The following SLC35F3 variants were observed in gnomAD, a reference collection of about 807,000 sequenced individuals.
SLC35F3 encodes the protein putative thiamine transporter SLC35F3.
A neutral mutation model predicts 49.9 loss-of-function variants in SLC35F3; 25 were observed. That is an observed-to-expected ratio of 0.50 (90% CI 0.37 to 0.70). The LOEUF is 0.70. Ranked by LOEUF, SLC35F3 falls within the 30% of genes least tolerant of loss-of-function variation. The pLI is 0.00. For missense variants in SLC35F3, 525 were observed against 639.8 expected, an observed-to-expected ratio of 0.82 and a Z score of 1.94; for synonymous variants, 275 against 265.4, an observed-to-expected ratio of 1.04 and a Z score of -0.35.
chr1:234,081,386 T>G (rs1455422925), intron 2 of SLC35F3, among the ~76,000 whole-genome samples: 1 of 152,188 alleles, frequency 6.6e-6, no homozygotes, highest in Non-Finnish European at 1.5e-5. Flanking sequence ...TTGCAAACAT[T>G]GTTTTTGTTG....
chr1:234,287,864 A>G (rs1668447011), intron 3 of SLC35F3, among the ~76,000 whole-genome samples: 1 of 152,178 alleles, frequency 6.6e-6, no homozygotes, highest in Non-Finnish European at 1.5e-5. Context: ...TTGAAAGACT[A>G]TTGCCTTGAA....
intron 2 of SLC35F3, among the ~76,000 whole-genome samples, chr1:234,098,155 G>A (rs1665154168): frequency 6.7e-6 from 1 of 150,012 alleles, no homozygotes; most frequent in African/African-American, 2.5e-5. Flanking sequence ...GGTAGTGATG[G>A]TGTTATACGG....
At chr1:234,045,647 A>C (rs540548353) in intron 2 of SLC35F3, among the ~76,000 whole-genome samples, 1 of 152,254 alleles carries the variant, frequency 6.6e-6, no homozygotes, top group Non-Finnish European at 1.5e-5. Flanking sequence ...ATAACGTATT[A>C]TATGCACAAG....
At chr1:234,254,929 T>G (rs1221924430) in intron 3 of SLC35F3, among the ~76,000 whole-genome samples, 5 of 152,224 alleles carry the variant, frequency 3.3e-5, no homozygotes, top group Non-Finnish European at 7.3e-5. Context: ...CCTGACTTAT[T>G]TAGTACTTTT....
intron 2 of SLC35F3, among the ~76,000 whole-genome samples, chr1:234,102,428 A>G (rs1665227484): frequency 6.6e-6 from 1 of 152,188 alleles, no homozygotes; most frequent in African/African-American, 2.4e-5. Flanking sequence ...CTCCTGAACC[A>G]TCTGCTCAAG....
chr1:234,265,328 C>A (rs75052785), intron 3 of SLC35F3, among the ~76,000 whole-genome samples: 1 of 126,176 alleles, frequency 7.9e-6, no homozygotes, highest in Non-Finnish European at 1.7e-5. Flanking sequence ...TTCTTTTTTT[C>A]TTTTTCTTTT....
intron 2 of SLC35F3, among the ~76,000 whole-genome samples, chr1:234,170,040 T>TACAG (rs1435658166): frequency 6.6e-6 from 1 of 152,172 alleles, no homozygotes; most frequent in Non-Finnish European, 1.5e-5. Context: ...ATGCTGGGAT[T>TACAG]ACAGGCGTGA....
intron 2 of SLC35F3, among the ~76,000 whole-genome samples, chr1:234,105,125 T>TAAAAAA (rs4027096): frequency 2.3e-4 from 30 of 130,418 alleles, no homozygotes; most frequent in Non-Finnish European, 2.6e-4. Context: ...GAGACTCCGT[T>TAAAAAA]AAAAAAAAAA....
chr1:234,116,831 T>A (rs1052196071), intron 2 of SLC35F3, among the ~76,000 whole-genome samples: 3 of 152,148 alleles, frequency 2.0e-5, no homozygotes, highest in Non-Finnish European at 4.4e-5. Flanking sequence ...CCTTTTAAGC[T>A]GGGGGTTTTG....
At chr1:234,203,401 A>T (rs576711551) in intron 2 of SLC35F3, among the ~76,000 whole-genome samples, 16 of 152,284 alleles carry the variant, frequency 1.1e-4, no homozygotes, top group African/African-American at 3.8e-4. Flanking sequence ...TAGCCCCTTT[A>T]AACTATTCTT....
intron 3 of SLC35F3, among the ~76,000 whole-genome samples, chr1:234,235,553 C>G (rs1558269005): frequency 6.6e-6 from 1 of 152,232 alleles, no homozygotes; most frequent in Non-Finnish European, 1.5e-5. Context: ...GTCAGCAGAG[C>G]TGGAGCAGAT....
chr1:233,955,864 G>C (rs561215063), intron 2 of SLC35F3, among the ~76,000 whole-genome samples: 1 of 147,234 alleles, frequency 6.8e-6, no homozygotes, highest in Admixed American at 6.8e-5. Flanking sequence ...AGTCAGCAGA[G>C]GAGGTGTGGG....
chr1:234,006,395 G>A (rs890608154), intron 2 of SLC35F3, among the ~76,000 whole-genome samples: 10 of 152,086 alleles, frequency 6.6e-5, no homozygotes, highest in African/African-American at 2.2e-4. Flanking sequence ...GCCACCAAGA[G>A]CAATCTTTGG....
chr1:234,265,082 C>A (rs1186832510), intron 3 of SLC35F3, among the ~76,000 whole-genome samples: 1 of 152,152 alleles, frequency 6.6e-6, no homozygotes, highest in East Asian at 1.9e-4. Flanking sequence ...TGTCTCATGT[C>A]TCCCTGATGA....
At chr1:234,072,619 CAG>C (rs1664733932) in intron 2 of SLC35F3, among the ~76,000 whole-genome samples, 1 of 151,978 alleles carries the variant, frequency 6.6e-6, no homozygotes, top group Non-Finnish European at 1.5e-5. Context: ...GATAATTGAA[CAG>C]AGAAAGGGGT....
rs141889471 is a variant in SLC35F3 at position 234,251,160 on chromosome 1, G to T, written c.608+19419G>T. ...GGATGCCTCATTAAACTAGACTTTG[G>T]TCCTCTAATAAATTTCTGACCTCCT... On this transcript the variant is annotated intron_variant, in intron 3 of 7. Coordinates refer to ENST00000366618, the MANE Select transcript of SLC35F3 (RefSeq NM_173508.4). Among the ~76,000 whole-genome samples the T allele has an allele frequency of 7.4e-3, 1,119 of 152,122 alleles. 15 individuals are homozygous for T. Among genetic ancestry groups the T allele is most frequent in the Middle Eastern group, 0.034 (10 of 294 alleles).
In SLC35F3 at chr1:233,959,479, G is replaced by A. The variant is rs1018465858; in HGVS notation, c.283+53721G>A. Among the ~76,000 whole-genome samples the A allele has an allele frequency of 3.3e-5, 5 of 152,080 alleles. No homozygotes were observed. The East Asian group carries it at 9.6e-4, about 29-fold the overall frequency. ...GTAGCAGGCATAGGGAGGGTTAGCA[G>A]CAAACAATATTAAAAGAGGTATGAA... On this transcript the variant is annotated intron_variant, in intron 2 of 7. Coordinates refer to ENST00000366618, the MANE Select transcript of SLC35F3 (RefSeq NM_173508.4).
intron 6 of SLC35F3, among the ~76,000 whole-genome samples, chr1:234,319,542 A>G (rs970948696): frequency 6.6e-6 from 1 of 151,944 alleles, no homozygotes; most frequent in Non-Finnish European, 1.5e-5. Context: ...ATCTCCATAA[A>G]CATTTAAAAA....
intron 2 of SLC35F3, among the ~76,000 whole-genome samples, chr1:234,137,901 G>A (rs568952233): frequency 2.0e-5 from 3 of 152,262 alleles, no homozygotes; most frequent in Non-Finnish European, 2.9e-5. Context: ...GGCTGGATGC[G>A]AGAGGGGTTG....
Sources: gnomAD v4.1 joint callset for allele counts (sites outside exome capture counted in the v4.1 genomes callset) on GRCh38, gnomAD v4.1.1 for gene constraint, MANE v1.5 for transcripts, NCBI Gene and HGNC (gene_info 2026-07-23, HGNC 2026-07-21) for gene names.